The following NXPE2 variants were observed in gnomAD, a reference collection of about 807,000 sequenced individuals.
NXPE2 encodes the protein NXPE family member 2.
A neutral mutation model predicts 34.4 loss-of-function variants in NXPE2; 34 were observed. The ratio of observed to expected loss-of-function variants is 0.99; its 90% CI spans 0.75 to 1.31. The LOEUF (loss-of-function observed/expected upper bound fraction) is 1.31, where lower values mean the gene tolerates loss of function less well. Among genes scored for constraint, NXPE2 ranks in the 40% most tolerant of loss-of-function variants. The probability of loss-of-function intolerance (pLI) is 0.00; values close to 1 mark genes in which losing one functional copy is unlikely to be tolerated. For synonymous variants in NXPE2, 235 were observed against 231.3 expected, an observed-to-expected ratio of 1.02 and a Z score of -0.15; for missense variants, 649 against 672.5, an observed-to-expected ratio of 0.97 and a Z score of 0.39.
chr11:114,684,369 G>C (rs1565381336), intron 2 of NXPE2, among the ~76,000 whole-genome samples: 2 of 151,626 alleles, frequency 1.3e-5, no homozygotes, highest in Non-Finnish European at 2.9e-5. Flanking sequence ...AGAGCTTGCA[G>C]TGAGCCGAGA....
In NXPE2 at chr11:114,698,631, A is replaced by C. The variant is rs1251073353; in HGVS notation, c.719A>C (p.Glu240Ala). The C allele has an allele frequency of 6.2e-7, 1 of 1,614,180 alleles. No individual in the cohort carries two copies. ...GGCCTGACCCTAAACACAAATGCTGAACTGTGCCAGTACATGGATGACAGA... is the reference window on the plus strand; with the variant it reads ...GGCCTGACCCTAAACACAAATGCTGCACTGTGCCAGTACATGGATGACAGA... The part of the protein sequence containing the change: ...ECGLTLNTNA[E>A]LCQYMDDRDQ... The change falls in exon 3 of 6, where the codon GAA becomes GCA. Residue 240 changes from glutamate (E) to alanine (A), a missense_variant. Physicochemically the swap from Glu to Ala is moderately radical, Grantham distance 107. Transcript: ENST00000389586.
the NXPE2 span, among the ~76,000 whole-genome samples, chr11:114,470,045 A>G: frequency 2.0e-5 from 3 of 152,240 alleles, no homozygotes; most frequent in African/African-American, 7.2e-5. Context: ...TTTATTGCTA[A>G]GGAACATTTC....
the NXPE2 span, among the ~76,000 whole-genome samples, chr11:114,772,391 C>T: frequency 6.6e-6 from 1 of 152,002 alleles, no homozygotes. Context: ...AAAAAAAGTT[C>T]TGATTCTAAA....
the NXPE2 span, among the ~76,000 whole-genome samples, chr11:114,621,512 G>T: frequency 6.6e-6 from 1 of 152,128 alleles, no homozygotes; most frequent in African/African-American, 2.4e-5. Flanking sequence ...AATAAGTATT[G>T]CCTCGTGTGT....
chr11:114,797,823 T>C, the NXPE2 span, among the ~76,000 whole-genome samples: 1 of 152,200 alleles, frequency 6.6e-6, no homozygotes, highest in Non-Finnish European at 1.5e-5. Context: ...AAGATTTTCA[T>C]ACTAAAACAA....
the NXPE2 span, among the ~76,000 whole-genome samples, chr11:114,590,740 T>C: frequency 2.0e-5 from 3 of 152,210 alleles, no homozygotes; most frequent in Non-Finnish European, 4.4e-5. Context: ...AGGTAAAGGA[T>C]GGCCAGCATG....
the NXPE2 span, among the ~76,000 whole-genome samples, chr11:114,796,169 C>CT: frequency 2.0e-5 from 3 of 152,076 alleles, no homozygotes; most frequent in African/African-American, 7.2e-5. Flanking sequence ...AACATAAAAG[C>CT]TTTTTGCATT....
At chr11:114,587,062 T>C in the NXPE2 span, among the ~76,000 whole-genome samples, 2 of 152,166 alleles carry the variant, frequency 1.3e-5, no homozygotes, top group African/African-American at 2.4e-5. Context: ...CCCTATTCCA[T>C]GAGGCATATT....
At chr11:114,483,434 G>A in the NXPE2 span, among the ~76,000 whole-genome samples, 1 of 152,198 alleles carries the variant, frequency 6.6e-6, no homozygotes, top group Non-Finnish European at 1.5e-5. Context: ...AGCACAGTTT[G>A]CTCTTTTATC....
chr11:114,490,847 C>T, the NXPE2 span, among the ~76,000 whole-genome samples: 1 of 152,202 alleles, frequency 6.6e-6, no homozygotes, highest in African/African-American at 2.4e-5. Flanking sequence ...CCAAAATGTA[C>T]AAATGGGATC....
chr11:114,582,256 C>T, the NXPE2 span: 2 of 1,529,886 alleles, frequency 1.3e-6, no homozygotes, highest in Non-Finnish European at 1.8e-6. Context: ...ACAATATTTG[C>T]ACAGGTAGTC....
chr11:114,524,917 A>G, the NXPE2 span, among the ~76,000 whole-genome samples: 1 of 152,186 alleles, frequency 6.6e-6, no homozygotes, highest in East Asian at 1.9e-4. Context: ...ACTCCATTTT[A>G]GATGCTAATC....
At chr11:114,758,883 C>G in the NXPE2 span, among the ~76,000 whole-genome samples, 1 of 148,656 alleles carries the variant, frequency 6.7e-6, no homozygotes, top group Admixed American at 6.7e-5. Context: ...AAAATATAAA[C>G]GTATATAAAT....
the NXPE2 span, among the ~76,000 whole-genome samples, chr11:114,780,564 G>T: frequency 6.6e-6 from 1 of 152,204 alleles, no homozygotes; most frequent in Admixed American, 6.5e-5. Flanking sequence ...TAAACAAGGT[G>T]GCAGGATGAA....
At chr11:114,603,840 A>G in the NXPE2 span, among the ~76,000 whole-genome samples, 1 of 151,814 alleles carries the variant, frequency 6.6e-6, no homozygotes, top group Non-Finnish European at 1.5e-5. Flanking sequence ...CTGGTGGATA[A>G]TAAGTATTGC....
the NXPE2 span, among the ~76,000 whole-genome samples, chr11:114,534,129 A>G: frequency 4.6e-5 from 7 of 152,302 alleles, no homozygotes; most frequent in East Asian, 1.4e-3. Flanking sequence ...CGGTTAACCA[A>G]TATCCGCTGT....
the NXPE2 span, among the ~76,000 whole-genome samples, chr11:114,560,961 T>C: frequency 6.6e-6 from 1 of 152,202 alleles, no homozygotes; most frequent in Non-Finnish European, 1.5e-5. Context: ...CTTATTTCTT[T>C]AGTGCTGAAT....
chr11:114,682,515 GT>G (rs901540527), intron 2 of NXPE2, among the ~76,000 whole-genome samples: 3 of 152,170 alleles, frequency 2.0e-5, no homozygotes, highest in Admixed American at 2.0e-4. Context: ...CAGAGCTTAA[GT>G]TTAGCAGGAC....
chr11:114,610,068 A>G, the NXPE2 span, among the ~76,000 whole-genome samples: 2 of 151,066 alleles, frequency 1.3e-5, no homozygotes, highest in Non-Finnish European at 1.5e-5. Flanking sequence ...GTCTTGCCTC[A>G]TGGGTAACCA....
Sources: allele counts gnomAD v4.1 joint callset (sites outside exome capture counted in the v4.1 genomes callset), GRCh38; gene constraint gnomAD v4.1.1; transcripts MANE v1.5; gene names NCBI Gene and HGNC (gene_info 2026-07-23, HGNC 2026-07-21).